Variants in TMEM67 observed in about 807,000 individuals in gnomAD.
TMEM67 encodes transmembrane protein 67.
A neutral mutation model predicts 136.6 loss-of-function variants in TMEM67; 124 were observed. That is an observed-to-expected ratio of 0.91 (90% CI 0.78 to 1.05). The LOEUF (loss-of-function observed/expected upper bound fraction) is 1.05. TMEM67 is among the 50% of genes least tolerant of loss of function. The pLI is 0.00. For synonymous variants in TMEM67, 364 were observed against 390.5 expected (o/e 0.93, Z 0.80); for missense variants, 1,107 against 1,178.4 (o/e 0.94, Z 0.89).
At chr8:93,780,826 T>G in intron 8 of TMEM67, 48 bp from the exon 9 acceptor site, 1 of 1,589,546 alleles carries the variant, frequency 6.3e-7, no homozygotes, top group Non-Finnish European at 8.6e-7. Flanking sequence ...ATACTAATAA[T>G]AAGAAATATT....
At chr8:93,829,301 A>G in the TMEM67 span, among the ~76,000 whole-genome samples, 3 of 151,928 alleles carry the variant, frequency 2.0e-5, no homozygotes, top group Non-Finnish European at 4.4e-5. Flanking sequence ...AGAATAAACT[A>G]CTTTCTTGAA....
the TMEM67 span, among the ~76,000 whole-genome samples, chr8:93,831,727 G>A: frequency 6.6e-6 from 1 of 152,150 alleles, no homozygotes; most frequent in Admixed American, 6.5e-5. Flanking sequence ...TGTGTGTGTG[G>A]TGGACGTCAC....
chr8:93,770,423 A>G (rs185681657), intron 6 of TMEM67, among the ~76,000 whole-genome samples: 330 of 152,268 alleles, frequency 2.2e-3, no homozygotes, highest in Non-Finnish European at 3.6e-3. Context: ...AAATTTTCCC[A>G]GTTGTTCAAA....
chr8:93,773,622 C>T (rs530580225), intron 7 of TMEM67, among the ~76,000 whole-genome samples: 4 of 152,090 alleles, frequency 2.6e-5, no homozygotes, highest in South Asian at 4.1e-4. Flanking sequence ...AAAAAAAGTT[C>T]AAAGTTTTTC....
At chr8:93,755,665 C>CT in intron 1 of TMEM67, 113 bp from the exon 2 acceptor site, 2 of 725,698 alleles carry the variant, frequency 2.8e-6, no homozygotes, top group East Asian at 5.5e-5. Flanking sequence ...TGCTGTTAAT[C>CT]ACTATACTGC....
chr8:93,813,474 C>T (rs1451058370), intron 26 of TMEM67, among the ~76,000 whole-genome samples: 4 of 152,130 alleles, frequency 2.6e-5, no homozygotes, highest in South Asian at 4.2e-4. Context: ...CCACTGTGCC[C>T]GATCTCACTA....
At chr8:93,815,177 T>C in intron 26 of TMEM67, 128 bp from the exon 27 acceptor site, 1 of 552,522 alleles carries the variant, frequency 1.8e-6, no homozygotes, top group Non-Finnish European at 3.0e-6. Flanking sequence ...GTGTAAGCCA[T>C]GAAGTATTGT....
rs1177878071 is a variant in TMEM67, at chr8:93,780,905, G to T, written c.901G>T (p.Asp301Tyr). ...RQNLPWLFYGDQLGLAPQVLS... is the reference protein window; with the variant it reads ...RQNLPWLFYGYQLGLAPQVLS... The stretch of plus-strand genomic sequence containing the variant: ...GAATCTTCCTTGGCTGTTTTATGGA[G>T]ACCAGTTAGGATTAGCACCTCAAGT... The change falls in exon 9 of 28, where the codon GAC (aspartate) becomes TAC (tyrosine). Residue 301 changes from aspartate (D) to tyrosine (Y), a missense_variant. Physicochemically the swap from Asp to Tyr is radical, Grantham distance 160 (BLOSUM62 -3). Around this residue, in one of 3 missense-constraint regions of TMEM67, gnomAD observed 925 missense variants for 1,002.4 expected, o/e 0.92. Coordinates refer to ENST00000453321, the MANE Select transcript of TMEM67 (RefSeq NM_153704.6). 3 of 1,612,232 alleles carry T rather than the reference G, an allele frequency of 1.9e-6. No homozygotes were observed. Among genetic ancestry groups the T allele is most frequent in the African/African-American group, 1.3e-5 (1 of 74,864 alleles).
chr8:93,814,162 C>A (rs1258285076), intron 26 of TMEM67, among the ~76,000 whole-genome samples: 1 of 112,252 alleles, frequency 8.9e-6, no homozygotes, highest in Non-Finnish European at 1.7e-5. Context: ...TTTTTTGAGA[C>A]GTAGTATTGC....
At chr8:93,801,487 C>T (rs977424453) in intron 21 of TMEM67, among the ~76,000 whole-genome samples, 11 of 150,918 alleles carry the variant, frequency 7.3e-5, no homozygotes, top group East Asian at 1.9e-4. Context: ...CTGTAACCTT[C>T]GCTTCCCAGG....
At chr8:93,808,990 C>A in intron 24 of TMEM67, 34 bp downstream of exon 24, 1 of 1,518,294 alleles carries the variant, frequency 6.6e-7, no homozygotes, top group Non-Finnish European at 9.1e-7. Flanking sequence ...TATATTCTGT[C>A]AATATTTCAT....
At chr8:93,768,565 G>A (rs1317644964) in intron 6 of TMEM67, among the ~76,000 whole-genome samples, 1 of 151,990 alleles carries the variant, frequency 6.6e-6, no homozygotes, top group Non-Finnish European at 1.5e-5. Flanking sequence ...AGCCAAGATC[G>A]CGCCACTGCA....
At chr8:93,755,175 C>T (rs1421110128) in intron 1 of TMEM67, 38 bp downstream of exon 1, 2 of 1,579,376 alleles carry the variant, frequency 1.3e-6, no homozygotes, top group East Asian at 2.2e-5. Flanking sequence ...AAAAGTAACA[C>T]TCCCGCCTTG....
rs771635993 is a variant in TMEM67, at chr8:93,815,542, C to T, written c.2907+95C>T. ...TCATAGCAGAGAGTAACAATGTCTA[C>T]TTTTACTACAATTTTGTAAAGGTTT... On this transcript the variant is annotated intron_variant, in intron 27 of 27. Transcript: ENST00000453321. 72 of 1,152,684 alleles carry T rather than the reference C, an allele frequency of 6.2e-5. No individual in the cohort carries two copies. The Admixed American group carries it at 7.6e-4, about 12-fold the overall frequency. The allele number at this position is 1,152,684 out of a possible 1,614,324, so 71.4% of individuals were successfully genotyped here.
intron 18 of TMEM67, among the ~76,000 whole-genome samples, chr8:93,796,315 T>C (rs1814614166): frequency 6.6e-6 from 1 of 152,224 alleles, no homozygotes; most frequent in African/African-American, 2.4e-5. Context: ...TCTCCATTAA[T>C]CAAGGGTAAA....
chr8:93,808,506 GAATATAT>G (rs1808546025), intron 23 of TMEM67, among the ~76,000 whole-genome samples: 3 of 14,852 alleles, frequency 2.0e-4, no homozygotes, highest in Non-Finnish European at 2.7e-4. Context: ...TATTATAGAT[GAATATAT>G]ATATTTATAA....
intron 4 of TMEM67, 51 bp from the exon 5 acceptor site, chr8:93,765,355 T>C: frequency 7.1e-7 from 1 of 1,407,038 alleles, no homozygotes; most frequent in Non-Finnish European, 9.9e-7. Context: ...TTCTATTAGG[T>C]TTAGTATAAT....
intron 15 of TMEM67, chr8:93,792,129 T>A (rs1814406500): frequency 6.6e-6 from 1 of 152,508 alleles, no homozygotes; most frequent in South Asian, 2.1e-4. Flanking sequence ...CCCAAAGTGC[T>A]GGGAATACAG....
intron 3 of TMEM67, chr8:93,759,944 G>T: frequency 6.5e-7 from 1 of 1,535,760 alleles, no homozygotes; most frequent in South Asian, 1.2e-5. Context: ...CACCGCACCT[G>T]ACCTTGGCAT....
Sources: allele counts gnomAD v4.1 joint callset (sites outside exome capture counted in the v4.1 genomes callset), GRCh38; gene constraint gnomAD v4.1.1; regional missense constraint gnomAD v4.1.1; transcripts MANE v1.5; gene names NCBI Gene and HGNC (gene_info 2026-07-23, HGNC 2026-07-21).